Variants in SYTL2 observed in about 807,000 individuals in gnomAD.
SYTL2 encodes the protein synaptotagmin like 2.
A neutral mutation model predicts 198.7 loss-of-function variants in SYTL2; 165 were observed. The observed-to-expected ratio is 0.83, with a 90% CI of 0.73 to 0.94. The LOEUF (loss-of-function observed/expected upper bound fraction) is 0.94. Among genes scored for constraint, SYTL2 ranks in the 40% least tolerant of loss-of-function variants. The pLI, the probability that SYTL2 is intolerant of heterozygous loss-of-function variation, is 0.00. For synonymous variants in SYTL2, 966 were observed against 917.7 expected, an observed-to-expected ratio of 1.05 and a Z score of -0.95; for missense variants, 2,835 against 2,582.8, an observed-to-expected ratio of 1.10 and a Z score of -2.12.
intron 2 of SYTL2, among the ~76,000 whole-genome samples, chr11:85,756,630 C>T (rs2091883633): frequency 6.6e-6 from 1 of 152,070 alleles, no homozygotes; most frequent in Non-Finnish European, 1.5e-5. Context: ...TATGTGAGCT[C>T]ATAAAAAATA....
At chr11:85,711,015 G>GAAATACAGGAGCAC (rs2086171721) in intron 13 of SYTL2, 98 bp downstream of exon 13, 1 of 1,328,448 alleles carries the variant, frequency 7.5e-7, no homozygotes, top group East Asian at 2.4e-5. Flanking sequence ...TGTGCCCTGA[G>GAAATACAGGAGCAC]AAATACAGGA....
rs535472802 is a variant in SYTL2, at chr11:85,786,077, A to G, written c.-390+24877T>C. On this transcript the variant is annotated intron_variant, in intron 1 of 19. Transcript: ENST00000359152. ...CGTGGGATACTACTAAGCAACAAAA[A>G]GGAAAAACTCTTGATAGACACAACT... is the stretch of plus-strand genomic sequence containing the variant. Among the ~76,000 whole-genome samples the G allele has an allele frequency of 1.2e-4, 18 of 152,322 alleles. No individual in the cohort carries two copies. In the South Asian group the frequency reaches 3.7e-3, roughly 32 times the overall value.
the SYTL2 span, among the ~76,000 whole-genome samples, chr11:85,839,043 TA>T: frequency 6.6e-6 from 1 of 152,216 alleles, no homozygotes; most frequent in Non-Finnish European, 1.5e-5. Context: ...TGGGCCTTTT[TA>T]AATTTAAAAA....
intron 15 of SYTL2, among the ~76,000 whole-genome samples, chr11:85,707,014 AT>A (rs1481454658): frequency 6.6e-6 from 1 of 151,954 alleles, no homozygotes; most frequent in East Asian, 1.9e-4. Context: ...TCATTTTTGT[AT>A]TTTTAGTACA....
At chr11:85,848,060 TC>T in the SYTL2 span, among the ~76,000 whole-genome samples, 1 of 151,960 alleles carries the variant, frequency 6.6e-6, no homozygotes, top group African/African-American at 2.4e-5. Flanking sequence ...GACCCCCATC[TC>T]TACAAAAAAT....
the SYTL2 span, among the ~76,000 whole-genome samples, chr11:85,836,473 G>T: frequency 6.6e-6 from 1 of 151,688 alleles, no homozygotes; most frequent in Non-Finnish European, 1.5e-5. Context: ...GCACTATGAG[G>T]TATGTAAAAT....
At chr11:85,833,227 T>G in the SYTL2 span, among the ~76,000 whole-genome samples, 1 of 149,500 alleles carries the variant, frequency 6.7e-6, no homozygotes, top group African/African-American at 2.4e-5. Context: ...TTAAAAAAAT[T>G]ATATCATATA....
chr11:85,725,506 C>A lies in SYTL2; in HGVS notation c.3852G>T (p.Lys1284Asn). ...GCTGGCACTCACCACTTTCAGCTTT[C>A]TTGAGGAGAGCTGTATTTCCAAAAG... is the stretch of plus-strand genomic sequence containing the variant. Reference protein sequence around the residue: ...DETFGNTALLKKAESGECQLS... With the variant: ...DETFGNTALLNKAESGECQLS... Residue 1284 changes from lysine (K) to asparagine (N), a missense_variant, in exon 8 of 20, where the codon AAG becomes AAT. Coordinates refer to ENST00000359152, the MANE Select transcript of SYTL2 (RefSeq NM_206927.4). 1 of 1,614,100 alleles carries A rather than the reference C, an allele frequency of 6.2e-7. No homozygotes were observed. Among genetic ancestry groups the A allele is most frequent in the Non-Finnish European group, 8.5e-7 (1 of 1,179,982 alleles).
Position 85,724,947 on chromosome 11 carries a change from A to G in SYTL2, c.4411T>C (p.Tyr1471His). 2 of 1,613,978 alleles carry G rather than the reference A, an allele frequency of 1.2e-6. No individual in the cohort carries two copies. Among genetic ancestry groups the G allele is most frequent in the Non-Finnish European group, 1.7e-6 (2 of 1,179,952 alleles). ...ACTTCCTGAGGGAGGCCTTTGCCAT[A>G]TTGAGCAACAATGGAAGCAAATGAG... ...LSSFASIVAQ[Y>H]GKGLPQEVEE... The change falls in exon 8 of 20, where the codon TAT becomes CAT. Residue 1471 changes from tyrosine (Y) to histidine (H), a missense_variant. Tyr to His is a moderately conservative substitution (Grantham distance 83, BLOSUM62 2). Coordinates refer to ENST00000359152, the MANE Select transcript of SYTL2 (RefSeq NM_206927.4).
chr11:85,851,940 G>A, the SYTL2 span, among the ~76,000 whole-genome samples: 10 of 152,208 alleles, frequency 6.6e-5, no homozygotes, highest in Admixed American at 6.5e-4. Context: ...ACATTTATCA[G>A]ATGTGTAGAT....
In SYTL2 at chr11:85,724,727, G is replaced by T. The variant is rs752338967; in HGVS notation, c.4631C>A (p.Pro1544His). ...TTCTACTGTTTCTTTTAATTCCTCA[G>T]GATGGCATTCAGAAGTGGCTCGCCT... The part of the protein sequence containing the change: ...EPRRATSECH[P>H]EELKETVEKA... The change falls in exon 8 of 20, where the codon CCT (proline) becomes CAT (histidine). Residue 1544 changes from proline to histidine, a missense_variant. Physicochemically the swap from Pro to His is moderately conservative, Grantham distance 77. Coordinates refer to ENST00000359152, the MANE Select transcript of SYTL2 (RefSeq NM_206927.4). 1.2e-6 allele frequency: 2 copies of T among 1,613,958 alleles called. No homozygotes were observed. Among genetic ancestry groups the T allele is most frequent in the Non-Finnish European group, 8.5e-7 (1 of 1,179,954 alleles).
intron 14 of SYTL2, chr11:85,708,055 C>T (rs996148391): frequency 2.6e-6 from 1 of 387,500 alleles, no homozygotes; most frequent in Non-Finnish European, 5.0e-6. Context: ...TCCAGCTAGT[C>T]AGGAGGCTGA....
upstream of SYTL2, among the ~76,000 whole-genome samples, chr11:85,814,030 C>T (rs1424158240): frequency 6.6e-6 from 1 of 152,096 alleles, no homozygotes; most frequent in East Asian, 1.9e-4. Context: ...CTTCTGTTAG[C>T]GATTGTTCTT....
intron 1 of SYTL2, among the ~76,000 whole-genome samples, chr11:85,781,315 C>T (rs1000206418): frequency 3.3e-5 from 5 of 152,072 alleles, no homozygotes; most frequent in African/African-American, 4.8e-5. Flanking sequence ...ACTAGAACAG[C>T]GGCATGGGGG....
At chr11:85,803,717 G>T (rs976139335) in intron 1 of SYTL2, among the ~76,000 whole-genome samples, 1 of 152,232 alleles carries the variant, frequency 6.6e-6, no homozygotes, top group Non-Finnish European at 1.5e-5. Context: ...TGTGAAAAGA[G>T]TACAGGTTTT....
chr11:85,734,853 C>A (rs2090181165), intron 6 of SYTL2, 111 bp from the exon 7 acceptor site: 1 of 851,442 alleles, frequency 1.2e-6, no homozygotes, highest in East Asian at 2.7e-5. Context: ...ATATTAAAGA[C>A]AGTAAAGTAT....
intron 1 of SYTL2, among the ~76,000 whole-genome samples, chr11:85,767,065 T>C (rs1018930158): frequency 3.3e-5 from 4 of 123,010 alleles, no homozygotes; most frequent in African/African-American, 1.3e-4. Context: ...CCACATGATG[T>C]GGATACACAG....
intron 1 of SYTL2, among the ~76,000 whole-genome samples, chr11:85,788,775 T>TAA (rs144242580): frequency 2.5e-4 from 36 of 146,654 alleles, no homozygotes; most frequent in African/African-American, 8.5e-4. Context: ...TCTATAATTA[T>TAA]AAAAAAAAAA....
At chr11:85,784,047 C>T (rs1300647672) in intron 1 of SYTL2, among the ~76,000 whole-genome samples, 1 of 152,196 alleles carries the variant, frequency 6.6e-6, no homozygotes, top group South Asian at 2.1e-4. Context: ...ACAACAACCA[C>T]GTGCCATGTG....
Sources: gnomAD v4.1 joint callset for allele counts (sites outside exome capture counted in the v4.1 genomes callset) on GRCh38, gnomAD v4.1.1 for gene constraint, MANE v1.5 for transcripts, NCBI Gene and HGNC (gene_info 2026-07-23, HGNC 2026-07-21) for gene names.